PCDHGA4: variants seen among roughly 807,000 people sequenced by gnomAD.
PCDHGA4 encodes the protein protocadherin gamma subfamily A, 4.
PCDHGA4 carries 38 observed loss-of-function variants against 54.6 expected under a neutral mutation model. The ratio of observed to expected loss-of-function variants is 0.70; its 90% CI spans 0.54 to 0.91. The LOEUF (loss-of-function observed/expected upper bound fraction) is 0.91. PCDHGA4 is among the 40% of genes least tolerant of loss of function. The pLI, the probability that PCDHGA4 is intolerant of heterozygous loss-of-function variation, is 0.00. For missense variants in PCDHGA4, 1,298 were observed against 1,220.9 expected (o/e 1.06, Z -0.94); for synonymous variants, 511 against 512.9 (o/e 1.00, Z 0.05).
intron 1 of PCDHGA4, chr5:141,409,361 G>A (rs754448763): frequency 6.2e-7 from 1 of 1,613,964 alleles, no homozygotes; most frequent in Non-Finnish European, 8.5e-7. Flanking sequence ...GTGTAATATA[G>A]AAACAGACAT....
intron 1 of PCDHGA4, among the ~76,000 whole-genome samples, chr5:141,474,379 T>A (rs1451968368): frequency 6.6e-6 from 1 of 152,208 alleles, no homozygotes; most frequent in Non-Finnish European, 1.5e-5. Flanking sequence ...GAGGAGGGCA[T>A]TTCTGCATTT....
chr5:141,498,009 C>A (rs1160103624), intron 2 of PCDHGA4, among the ~76,000 whole-genome samples: 1 of 152,146 alleles, frequency 6.6e-6, no homozygotes, highest in Non-Finnish European at 1.5e-5. Context: ...TTACAGTGCA[C>A]TGAAGGAGAC....
intron 1 of PCDHGA4, chr5:141,403,465 G>C (rs1268345736): frequency 6.2e-7 from 1 of 1,614,018 alleles, no homozygotes; most frequent in Non-Finnish European, 8.5e-7. Context: ...AGAGCTACCA[G>C]CTCAGCCCCA....
intron 1 of PCDHGA4, chr5:141,389,358 A>G: frequency 6.2e-7 from 1 of 1,613,908 alleles, no homozygotes; most frequent in Non-Finnish European, 8.5e-7. Flanking sequence ...CATCATGGCC[A>G]GTGACCTGGA....
chr5:141,433,906 A>G (rs1218318743), intron 1 of PCDHGA4, among the ~76,000 whole-genome samples: 1 of 151,412 alleles, frequency 6.6e-6, no homozygotes, highest in Non-Finnish European at 1.5e-5. Flanking sequence ...ATCACTTATT[A>G]CAATCACCTC....
intron 1 of PCDHGA4, chr5:141,428,087 G>A (rs2097108117): frequency 6.2e-7 from 1 of 1,609,106 alleles, no homozygotes; most frequent in Non-Finnish European, 8.5e-7. Context: ...ACAACGCTTG[G>A]CTGTCCTACC....
At position 141,476,719 on chromosome 5, in the gene PCDHGA4, C is replaced by T; in HGVS notation, c.2515-18088C>T. ...ACGCGGAGCTGGTGTTGGAGCGCGC[C>T]CTGGACCGAGAACGGGAGCCTAGTC... On this transcript the variant is annotated intron_variant, in intron 1 of 3. Coordinates refer to ENST00000571252, the MANE Select transcript of PCDHGA4 (RefSeq NM_018917.4). The surrounding 1 kb of genome is among the most constrained non-coding windows in gnomAD (Gnocchi z 7.6). The T allele has an allele frequency of 6.2e-7, 1 of 1,614,154 alleles. No homozygotes were observed.
chr5:141,409,179 G>A, intron 1 of PCDHGA4: 1 of 1,613,988 alleles, frequency 6.2e-7, no homozygotes. Context: ...GACGGAGGTG[G>A]TCTCTCTACC....
At chr5:141,419,877 C>T in intron 1 of PCDHGA4, 3 of 1,614,062 alleles carry the variant, frequency 1.9e-6, no homozygotes, top group Non-Finnish European at 8.5e-7. Flanking sequence ...GAGGTACTGC[C>T]GGATTTCAGC....
Position 141,511,212 on chromosome 5 carries a change from C to T in PCDHGA4, c.*39C>T. ...CCAAGAGCCACAGGGCGGCCTCTCC[C>T]CAACCAGCCCAGCTTCTCCTTACCT... is the stretch of plus-strand genomic sequence containing the variant. On this transcript the variant is annotated 3_prime_UTR_variant, in exon 4 of 4. Coordinates refer to ENST00000571252, the MANE Select transcript of PCDHGA4 (RefSeq NM_018917.4). 6.2e-7 allele frequency: 1 copy of T among 1,608,656 alleles called. No individual in the cohort carries two copies. Among genetic ancestry groups the T allele is most frequent in the Non-Finnish European group, 8.5e-7 (1 of 1,177,502 alleles).
In PCDHGA4 at chr5:141,402,880, A is replaced by T; in HGVS notation, c.2514+45259A>T. The T allele has an allele frequency of 1.4e-6, 2 of 1,474,944 alleles. 1 individual carries two copies. The highest frequency in any genetic ancestry group is 2.9e-5 in the South Asian group (2 of 68,686). 91.4% of individuals were successfully genotyped at this position (1,474,944 alleles called of 1,614,324 possible). On this transcript the variant is annotated intron_variant, in intron 1 of 3. Coordinates refer to ENST00000571252, the MANE Select transcript of PCDHGA4 (RefSeq NM_018917.4). ...TAAGGAAAAGATCACCATACTTTGCAGGGTGGAAGAAAGAACCTGATGAAG... is the reference window on the plus strand; with the variant it reads ...TAAGGAAAAGATCACCATACTTTGCTGGGTGGAAGAAAGAACCTGATGAAG...
chr5:141,392,463 AT>A (rs770659302), intron 1 of PCDHGA4: 30 of 173,504 alleles, frequency 1.7e-4, no homozygotes, highest in Non-Finnish European at 2.8e-4. Context: ...TTACGGATAA[AT>A]CAAATAAATT....
intron 1 of PCDHGA4, chr5:141,375,222 G>T: frequency 6.2e-7 from 1 of 1,613,926 alleles, no homozygotes; most frequent in Non-Finnish European, 8.5e-7. Flanking sequence ...GGCCTGAATG[G>T]CCTGGTAACC....
intron 1 of PCDHGA4, chr5:141,405,580 G>T: frequency 1.7e-6 from 1 of 591,996 alleles, no homozygotes; most frequent in South Asian, 2.1e-5. Flanking sequence ...GAGTAGCTGG[G>T]ACTACAGGCC....
chr5:141,485,682 A>G lies in PCDHGA4; in HGVS notation c.2515-9125A>G, dbSNP rs779441999. Reference sequence around the variant, plus strand: ...GTGGGGAGCAATTCGATTAGCAGCTATAGGCTGAGCTCCAATGAACACTTT... The same window carrying G: ...GTGGGGAGCAATTCGATTAGCAGCTGTAGGCTGAGCTCCAATGAACACTTT... On this transcript the variant is annotated intron_variant, in intron 1 of 3. Coordinates refer to ENST00000571252, the MANE Select transcript of PCDHGA4 (RefSeq NM_018917.4). This position sits in a 1 kb window ranked among gnomAD's most constrained non-coding sequence, Gnocchi z 5.7. 6.2e-7 allele frequency: 1 copy of G among 1,614,076 alleles called. No homozygotes were observed. Among genetic ancestry groups the G allele is most frequent in the Non-Finnish European group, 8.5e-7 (1 of 1,179,964 alleles).
chr5:141,357,443 C>G lies in PCDHGA4; in HGVS notation c.2336C>G (p.Ala779Gly). Residue 779 changes from alanine to glycine, a missense_variant, in exon 1 of 4, where the codon GCT (alanine) becomes GGT (glycine). Coordinates refer to ENST00000571252, the MANE Select transcript of PCDHGA4 (RefSeq NM_018917.4). ...TTTGTGGGCGTGGACGGGGTTCGGG[C>G]TTTCCTGCAGACCTATTCCCACGAG... ...SHFVGVDGVR[A>G]FLQTYSHEVS... is the part of the protein sequence containing the mutation. 1.2e-6 allele frequency: 2 copies of G among 1,614,222 alleles called. No individual in the cohort carries two copies. The highest frequency in any genetic ancestry group is 8.5e-7 in the Non-Finnish European group (1 of 1,180,048).
intron 1 of PCDHGA4, chr5:141,383,184 C>A: frequency 6.2e-7 from 1 of 1,614,082 alleles, no homozygotes; most frequent in East Asian, 2.2e-5. Context: ...GGGAAGAGAT[C>A]TGCGCTCAGA....
intron 1 of PCDHGA4, chr5:141,422,145 G>A: frequency 1.3e-6 from 2 of 1,580,726 alleles, no homozygotes; most frequent in Non-Finnish European, 8.6e-7. Context: ...AAGTACGGGG[G>A]TCTCTGGATT....
intron 1 of PCDHGA4, chr5:141,373,906 A>T: frequency 1.7e-6 from 1 of 604,222 alleles, no homozygotes; most frequent in South Asian, 4.3e-5. Context: ...ACATCCTCCA[A>T]CAACAAAGCA....
Sources: allele counts gnomAD v4.1 joint callset (sites outside exome capture counted in the v4.1 genomes callset), GRCh38; gene constraint gnomAD v4.1.1; non-coding constraint Gnocchi (gnomAD v3.1); transcripts MANE v1.5; gene names NCBI Gene and HGNC (gene_info 2026-07-23, HGNC 2026-07-21).